The following LANCL3 variants were observed in gnomAD, a reference collection of about 807,000 sequenced individuals.
LANCL3 encodes the protein lanC-like protein 3.
A neutral mutation model predicts 26.5 loss-of-function variants in LANCL3; 19 were observed. The ratio of observed to expected loss-of-function variants is 0.72; its 90% CI spans 0.50 to 1.05. The LOEUF (loss-of-function observed/expected upper bound fraction) is 1.05. Ranked by LOEUF, LANCL3 falls within the 50% of genes least tolerant of loss-of-function variation. The pLI is 0.00. For synonymous variants in LANCL3, 160 were observed against 166.6 expected (o/e 0.96, Z 0.30); for missense variants, 318 against 362.7 (o/e 0.88, Z 1.00).
At position 37,582,949 on chromosome X, in the gene LANCL3, G is replaced by T. The variant is rs782567885; in HGVS notation, c.573+10506G>T. ...TTCTTCTAGGGTTTTTATGGTTTTAGGTCTAACATTTAAGTCTTTAATCCA... is the reference window on the plus strand; with the variant it reads ...TTCTTCTAGGGTTTTTATGGTTTTATGTCTAACATTTAAGTCTTTAATCCA... On this transcript the variant is annotated intron_variant, in intron 1 of 4. Coordinates refer to ENST00000378619, the MANE Select transcript of LANCL3 (RefSeq NM_001170331.2). Among the ~76,000 whole-genome samples the T allele has an allele frequency of 8.1e-5, 9 of 111,721 alleles. No individual in the cohort carries two copies. In the East Asian group the frequency reaches 2.5e-3, roughly 31 times the overall value.
chrX:37,609,903 A>C (rs1199228461), intron 1 of LANCL3, among the ~76,000 whole-genome samples: 4 of 112,165 alleles, frequency 3.6e-5, no homozygotes, highest in African/African-American at 1.3e-4. Context: ...GACTTTAAAA[A>C]ATATTGTTTT....
intron 1 of LANCL3, among the ~76,000 whole-genome samples, chrX:37,613,358 G>T (rs1390647291): frequency 2.7e-5 from 3 of 110,917 alleles, no homozygotes; most frequent in Non-Finnish European, 5.7e-5. Flanking sequence ...AATATTTATT[G>T]GATGAGTTAT....
At position 37,572,386 on chromosome X, in the gene LANCL3, G is replaced by C. The variant is rs1163399935; in HGVS notation, c.516G>C (p.Val172=). 1 of 1,173,618 alleles carries C rather than the reference G, an allele frequency of 8.5e-7. No individual in the cohort carries two copies. The highest frequency in any genetic ancestry group is 1.1e-6 in the Non-Finnish European group (1 of 876,729). Residue 172 remains valine (V), a synonymous_variant, in exon 1 of 5, where the codon GTG becomes GTC. Transcript: ENST00000378619. ...FLECGSDELF[V]GRAGYLCAAL... ...AGTGCGGCTCCGACGAGCTGTTCGTGGGCCGCGCGGGTTACCTGTGTGCCG... is the reference window on the plus strand; with the variant it reads ...AGTGCGGCTCCGACGAGCTGTTCGTCGGCCGCGCGGGTTACCTGTGTGCCG...
At chrX:37,664,917 C>G (rs1331128928) in intron 3 of LANCL3, among the ~76,000 whole-genome samples, 1 of 111,643 alleles carries the variant, frequency 9.0e-6, no homozygotes, top group African/African-American at 3.3e-5. Flanking sequence ...GCATAGTATT[C>G]CATGGTGTGT....
intron 1 of LANCL3, among the ~76,000 whole-genome samples, chrX:37,644,015 T>G (rs1336755856): frequency 8.9e-6 from 1 of 112,009 alleles, no homozygotes; most frequent in African/African-American, 3.2e-5. Flanking sequence ...TTCACACTAC[T>G]AGAAAGTGGT....
Position 37,584,879 on chromosome X carries a change from T to C in LANCL3, c.573+12436T>C, listed in dbSNP as rs1479392815. ...CCTCTTGCTTCTCTAGTTCTTTTAA[T>C]TGTGATGTTAGGGTGTCAATTTTAG... On this transcript the variant is annotated intron_variant, in intron 1 of 4. Coordinates refer to ENST00000378619, the MANE Select transcript of LANCL3 (RefSeq NM_001170331.2). Among the ~76,000 whole-genome samples the C allele has an allele frequency of 1.2e-4, 13 of 111,983 alleles. 1 individual carries two copies. Among genetic ancestry groups the C allele is most frequent in the African/African-American group, 3.9e-4 (12 of 30,739 alleles).
intron 4 of LANCL3, among the ~76,000 whole-genome samples, chrX:37,669,177 A>G (rs782142420): frequency 7.8e-4 from 87 of 111,680 alleles, no homozygotes; most frequent in African/African-American, 2.6e-3. Flanking sequence ...AGTTCTATAC[A>G]TACTGTTTGT....
intron 1 of LANCL3, among the ~76,000 whole-genome samples, chrX:37,581,327 T>C (rs1216595090): frequency 8.9e-6 from 1 of 112,207 alleles, no homozygotes; most frequent in Non-Finnish European, 1.9e-5. Flanking sequence ...TCCTTGTAGG[T>C]TTAAGGGATA....
At chrX:37,634,491 C>T (rs1047415411) in intron 1 of LANCL3, among the ~76,000 whole-genome samples, 4 of 112,732 alleles carry the variant, frequency 3.5e-5, no homozygotes, top group East Asian at 5.6e-4. Context: ...GAGATGAACC[C>T]GGTACCTCAG....
chrX:37,637,265 G>A (rs1925733001), intron 1 of LANCL3, among the ~76,000 whole-genome samples: 1 of 112,102 alleles, frequency 8.9e-6, no homozygotes, highest in Non-Finnish European at 1.9e-5. Context: ...CTATAGTTCA[G>A]TGTGGTGACG....
rs1220069077 is a variant in LANCL3, at chrX:37,669,387, G to A, written c.1103+1898G>A. Among the ~76,000 whole-genome samples the A allele has an allele frequency of 2.7e-5, 3 of 110,973 alleles. No homozygotes were observed. In the East Asian group the frequency reaches 8.5e-4, roughly 31 times the overall value. On this transcript the variant is annotated intron_variant, in intron 4 of 4. Coordinates refer to ENST00000378619, the MANE Select transcript of LANCL3 (RefSeq NM_001170331.2). Reference sequence around the variant, plus strand: ...CTGTGTCCCTACCAAATCTCATGTCGAATTGTAATCCCCAGTGTTGGAGGT... The same window carrying A: ...CTGTGTCCCTACCAAATCTCATGTCAAATTGTAATCCCCAGTGTTGGAGGT...
At position 37,584,448 on chromosome X, in the gene LANCL3, T is replaced by C. The variant is rs1256033529; in HGVS notation, c.573+12005T>C. On this transcript the variant is annotated intron_variant, in intron 1 of 4. Coordinates refer to ENST00000378619, the MANE Select transcript of LANCL3 (RefSeq NM_001170331.2). ...ATTCGGCTGTGAATCCATCTGGTCC[T>C]GGACTTTTTTTTGTTGGTAAGCTAT... Among the ~76,000 whole-genome samples, 2 of 110,451 alleles carry C rather than the reference T, an allele frequency of 1.8e-5. 1 individual carries two copies. The highest frequency in any genetic ancestry group is 5.6e-4 in the East Asian group (2 of 3,575).
Position 37,657,514 on chromosome X carries a change from A to C in LANCL3, c.697+1703A>C, listed in dbSNP as rs1165996573. On this transcript the variant is annotated intron_variant, in intron 2 of 4. Coordinates refer to ENST00000378619, the MANE Select transcript of LANCL3 (RefSeq NM_001170331.2). ...GTAGCTAGGACTACAGGTATGCTTCAGTATGCCTGGTCAAATTTTTATCTT... is the reference window on the plus strand; with the variant it reads ...GTAGCTAGGACTACAGGTATGCTTCCGTATGCCTGGTCAAATTTTTATCTT... 4.7e-5 allele frequency among the ~76,000 whole-genome samples: 5 copies of C among 107,087 alleles called. No homozygotes were observed. In the Admixed American group the frequency reaches 5.0e-4, roughly 11 times the overall value. The allele number at this position is 107,087 out of a possible 115,157, so 93.0% of individuals were successfully genotyped here.
intron 1 of LANCL3, among the ~76,000 whole-genome samples, chrX:37,574,255 C>T (rs1186541396): frequency 9.0e-6 from 1 of 110,640 alleles, no homozygotes; most frequent in Non-Finnish European, 1.9e-5. Context: ...TACCCCATCC[C>T]CTCCCCGCAA....
At chrX:37,591,973 T>C (rs1386285443) in intron 1 of LANCL3, among the ~76,000 whole-genome samples, 1 of 111,082 alleles carries the variant, frequency 9.0e-6, no homozygotes, top group Non-Finnish European at 1.9e-5. Flanking sequence ...TGAGATTCAC[T>C]TTTTTGACAG....
Position 37,681,115 on chromosome X carries a change from G to A in LANCL3, c.*5302G>A, listed in dbSNP as rs1302968673. 1 of 112,196 alleles carries A rather than the reference G, an allele frequency of 8.9e-6. No individual in the cohort carries two copies. The highest frequency in any genetic ancestry group is 3.2e-5 in the African/African-American group (1 of 30,884). 9.2% of individuals were successfully genotyped at this position (112,196 alleles called of 1,213,427 possible). A position where few individuals can be genotyped will look rare whatever the true frequency, so the allele number is the denominator to read the frequency against. ...CAGCAGCAGTGTCTGCTAGAATTGTGCTGTGAGCCACGAATGCAAACCACA... is the reference window on the plus strand; with the variant it reads ...CAGCAGCAGTGTCTGCTAGAATTGTACTGTGAGCCACGAATGCAAACCACA... On this transcript the variant is annotated 3_prime_UTR_variant, in exon 5 of 5. Transcript: ENST00000378619.
At position 37,572,311 on chromosome X, in the gene LANCL3, G is replaced by A. The variant is rs1163542819; in HGVS notation, c.441G>A (p.Leu147=). The change falls in exon 1 of 5, where the codon CTG becomes CTA. Residue 147 remains leucine, a synonymous_variant. Transcript: ENST00000378619. ...GCCGGTCCGACTACGTGCAGCCGCTGGGCAAGTTCCGGGCTCTGTGTGCCG... is the reference window on the plus strand; with the variant it reads ...GCCGGTCCGACTACGTGCAGCCGCTAGGCAAGTTCCGGGCTCTGTGTGCCG... ...ALGRSDYVQP[L]GKFRALCAVC... 5 of 1,160,549 alleles carry A rather than the reference G, an allele frequency of 4.3e-6. No individual in the cohort carries two copies. The highest frequency in any genetic ancestry group is 5.7e-6 in the Non-Finnish European group (5 of 870,782).
chrX:37,580,329 A>T (rs782410786), intron 1 of LANCL3, among the ~76,000 whole-genome samples: 2 of 112,130 alleles, frequency 1.8e-5, no homozygotes, highest in African/African-American at 3.2e-5. Flanking sequence ...CTGATCACTT[A>T]TTTCCACACA....
At chrX:37,619,277 AT>A (rs1203036443) in intron 1 of LANCL3, among the ~76,000 whole-genome samples, 1 of 111,911 alleles carries the variant, frequency 8.9e-6, no homozygotes, top group Non-Finnish European at 1.9e-5. Context: ...ACAGATTATC[AT>A]TTGAAAGCAT....
Sources: allele counts gnomAD v4.1 joint callset (sites outside exome capture counted in the v4.1 genomes callset), GRCh38; gene constraint gnomAD v4.1.1; transcripts MANE v1.5; gene names NCBI Gene and HGNC (gene_info 2026-07-23, HGNC 2026-07-21).